Variants in MAPK9 observed in about 807,000 individuals in gnomAD.
MAPK9 encodes the protein Jun kinase.
Under a neutral mutation model 57.1 loss-of-function variants are expected in MAPK9, and 30 were observed. The ratio of observed to expected loss-of-function variants is 0.53; its 90% CI spans 0.39 to 0.71. MAPK9 has a LOEUF of 0.71. Ranked by LOEUF, MAPK9 falls within the 30% of genes least tolerant of loss-of-function variation. The probability of loss-of-function intolerance (pLI) is 0.00; values close to 1 mark genes in which losing one functional copy is unlikely to be tolerated. For synonymous variants in MAPK9, 155 were observed against 177.0 expected (o/e 0.88, Z 0.99); for missense variants, 362 against 521.0 (o/e 0.69, Z 2.97).
chr5:180,276,274 G>A (rs34035260), intron 2 of MAPK9, among the ~76,000 whole-genome samples: 1 of 152,248 alleles, frequency 6.6e-6, no homozygotes, highest in East Asian at 1.9e-4. Context: ...AAAGGAACAC[G>A]CTATACCAAT....
intron 3 of MAPK9, among the ~76,000 whole-genome samples, chr5:180,268,038 A>G (rs550781503): frequency 6.6e-6 from 1 of 151,990 alleles, no homozygotes; most frequent in East Asian, 1.9e-4. Flanking sequence ...GTTAGCCAGG[A>G]TGGTCTCTAT....
intron 11 of MAPK9, 194 bp downstream of exon 11, chr5:180,238,138 C>T (rs551304095): frequency 3.8e-5 from 16 of 419,464 alleles, no homozygotes; most frequent in African/African-American, 1.3e-4. Context: ...GGCATGGTGG[C>T]GCGTGCCTGT....
chr5:180,238,770 G>A (rs1365400654), intron 10 of MAPK9, among the ~76,000 whole-genome samples: 1 of 152,014 alleles, frequency 6.6e-6, no homozygotes, highest in East Asian at 1.9e-4. Context: ...CACCATGCCT[G>A]GCTAACTTTT....
chr5:180,248,726 T>C (rs73811332), intron 6 of MAPK9, among the ~76,000 whole-genome samples: 123 of 152,340 alleles, frequency 8.1e-4, no homozygotes, highest in African/African-American at 2.8e-3. Flanking sequence ...CACTTGGCTA[T>C]AGACAGCTTA....
chr5:180,236,264 T>G lies in MAPK9; in HGVS notation c.*120A>C. ...TATCAGGTCTGAGTAGGGCAAGGCA[T>G]TGTGTTTCTTACATGCAGAACATGG... On this transcript the variant is annotated 3_prime_UTR_variant, in exon 12 of 12. Transcript: ENST00000452135. 2 of 1,110,092 alleles carry G rather than the reference T, an allele frequency of 1.8e-6. No homozygotes were observed. The highest frequency in any genetic ancestry group is 1.2e-6 in the Non-Finnish European group (1 of 800,168). 68.8% of individuals were successfully genotyped at this position (1,110,092 alleles called of 1,614,324 possible).
intron 4 of MAPK9, among the ~76,000 whole-genome samples, chr5:180,263,706 C>CTT (rs61215315): frequency 0.31 from 39,171 of 127,212 alleles, 7,040 homozygotes; most frequent in East Asian, 0.56. Context: ...GCACCAAATT[C>CTT]TTTTTTTTTT....
intron 2 of MAPK9, among the ~76,000 whole-genome samples, chr5:180,273,222 TA>T (rs1254492291): frequency 6.6e-6 from 1 of 151,920 alleles, no homozygotes; most frequent in African/African-American, 2.4e-5. Context: ...TCTATCTTTA[TA>T]ATCTTCTTGA....
intron 1 of MAPK9, among the ~76,000 whole-genome samples, chr5:180,289,994 T>C (rs1304468671): frequency 1.3e-5 from 2 of 151,676 alleles, no homozygotes; most frequent in Non-Finnish European, 2.9e-5. Context: ...CAGCTAGGAC[T>C]ACAGGTGGAT....
At chr5:180,284,169 C>A (rs1012639060) in intron 1 of MAPK9, among the ~76,000 whole-genome samples, 2 of 152,154 alleles carry the variant, frequency 1.3e-5, no homozygotes, top group African/African-American at 4.8e-5. Flanking sequence ...AACTGGGGCT[C>A]AGAAAACAGT....
chr5:180,284,860 C>T (rs1028712023), intron 1 of MAPK9, among the ~76,000 whole-genome samples: 3 of 152,180 alleles, frequency 2.0e-5, no homozygotes, highest in African/African-American at 7.2e-5. Context: ...AAAGGAAATA[C>T]ACCAAGTTGA....
Position 180,247,967 on chromosome 5 carries a change from C to T in MAPK9, c.617-457G>A, listed in dbSNP as rs1190852646. 6.3e-7 allele frequency: 1 copy of T among 1,592,570 alleles called. No individual in the cohort carries two copies. Among genetic ancestry groups the T allele is most frequent in the Non-Finnish European group, 8.6e-7 (1 of 1,167,236 alleles). On this transcript the variant is annotated intron_variant, in intron 6 of 11. Coordinates refer to ENST00000452135, the MANE Select transcript of MAPK9 (RefSeq NM_002752.5). This position sits in a 1 kb window ranked among gnomAD's most constrained non-coding sequence, Gnocchi z 4.5. ...GGATTAAAAACCAGCTAGAGTCCCC[C>T]ATCTTTTTTCTTCAAACCCCCTCCC...
chr5:180,289,680 C>T (rs1442214243), intron 1 of MAPK9, among the ~76,000 whole-genome samples: 1 of 152,146 alleles, frequency 6.6e-6, no homozygotes, highest in Non-Finnish European at 1.5e-5. Flanking sequence ...CCTGGCTCCC[C>T]TGGCCTTAGG....
chr5:180,266,939 A>AC (rs1760626588), intron 3 of MAPK9, among the ~76,000 whole-genome samples: 1 of 152,206 alleles, frequency 6.6e-6, no homozygotes, highest in Non-Finnish European at 1.5e-5. Context: ...GAGAAACAAA[A>AC]CAATCTATCC....
chr5:180,278,470 G>A (rs1762022072), intron 2 of MAPK9, among the ~76,000 whole-genome samples: 1 of 152,238 alleles, frequency 6.6e-6, no homozygotes, highest in African/African-American at 2.4e-5. Flanking sequence ...GGGAGGCCAA[G>A]GTGGGTGGAT....
At chr5:180,261,892 AC>A in intron 4 of MAPK9, 70 bp from the exon 5 acceptor site, 1 of 1,310,808 alleles carries the variant, frequency 7.6e-7, no homozygotes, top group Non-Finnish European at 1.1e-6. Context: ...ATTTCATGAA[AC>A]TGTAACTTAC....
chr5:180,247,764 A>G lies in MAPK9; in HGVS notation c.617-254T>C. 7.4e-7 allele frequency: 1 copy of G among 1,348,270 alleles called. No individual in the cohort carries two copies. Among genetic ancestry groups the G allele is most frequent in the Non-Finnish European group, 1.1e-6 (1 of 944,428 alleles). The allele number at this position is 1,348,270 out of a possible 1,614,324, so 83.5% of individuals were successfully genotyped here. On this transcript the variant is annotated intron_variant, in intron 6 of 11. Transcript: ENST00000452135. This position sits in a 1 kb window ranked among gnomAD's most constrained non-coding sequence, Gnocchi z 4.5. ...ACAAACAAACAAACAAAAAACCAGA[A>G]ACAAGAAGTGCCTGTGAACACAAAG...
intron 2 of MAPK9, chr5:180,280,132 T>C: frequency 2.1e-6 from 1 of 475,572 alleles, no homozygotes; most frequent in South Asian, 1.7e-5. Flanking sequence ...CTGTTACAAC[T>C]CACTGTCATA....
At chr5:180,259,469 A>G (rs1759681978) in intron 5 of MAPK9, among the ~76,000 whole-genome samples, 1 of 152,168 alleles carries the variant, frequency 6.6e-6, no homozygotes, top group Non-Finnish European at 1.5e-5. Flanking sequence ...ACTGTAAGGA[A>G]TGTGGTCAAG....
chr5:180,236,586 C>A, intron 11 of MAPK9, 60 bp from the exon 12 acceptor site: 1 of 1,574,406 alleles, frequency 6.4e-7, no homozygotes, highest in South Asian at 1.1e-5. Flanking sequence ...CAAATCCAGG[C>A]AGCGAGACTG....
Sources: gnomAD v4.1 joint callset for allele counts (sites outside exome capture counted in the v4.1 genomes callset) on GRCh38, gnomAD v4.1.1 for gene constraint, Gnocchi (gnomAD v3.1) non-coding constraint, MANE v1.5 for transcripts, NCBI Gene and HGNC (gene_info 2026-07-23, HGNC 2026-07-21) for gene names.